CCT7: variants seen among roughly 807,000 people sequenced by gnomAD.
The protein encoded by CCT7 is T-complex protein 1 subunit eta.
In CCT7, 16 loss-of-function variants were observed where a neutral mutation model predicts 56.6. The observed-to-expected ratio is 0.28, with a 90% CI of 0.19 to 0.43. The LOEUF (loss-of-function observed/expected upper bound fraction) is 0.43. Among genes scored for constraint, CCT7 ranks in the 20% least tolerant of loss-of-function variants. The pLI is 1.00. For missense variants in CCT7, 519 were observed against 685.6 expected (o/e 0.76, Z 2.71); for synonymous variants, 262 against 254.8 (o/e 1.03, Z -0.27).
chr2:73,237,673 C>T (rs1227351191), intron 1 of CCT7: 3 of 152,078 alleles, frequency 2.0e-5, no homozygotes, highest in Middle Eastern at 3.2e-3. Flanking sequence ...CTTCAGTTGA[C>T]GCCTGATCCC....
chr2:73,248,101 C>T (rs1687421897), intron 7 of CCT7, among the ~76,000 whole-genome samples, 175 bp downstream of exon 7: 1 of 152,136 alleles, frequency 6.6e-6, no homozygotes, highest in South Asian at 2.1e-4. Context: ...TGACCTTGAC[C>T]TGAGGAAATT....
chr2:73,251,451 C>G lies in CCT7; in HGVS notation c.1410+19C>G, dbSNP rs761781496. The G allele has an allele frequency of 2.1e-6, 3 of 1,426,630 alleles. No homozygotes were observed. Among genetic ancestry groups the G allele is most frequent in the East Asian group, 2.6e-5 (1 of 39,090 alleles). The allele number at this position is 1,426,630 out of a possible 1,614,324, so 88.4% of individuals were successfully genotyped here. A position where few individuals can be genotyped will look rare whatever the true frequency, so the allele number is the denominator to read the frequency against. The stretch of plus-strand genomic sequence containing the variant: ...TGCCCAGGTGGGTCCTTTCTCTCCC[C>G]AGGGTTCAGGGTTTGGGCGGGTGGG... On this transcript the variant is annotated intron_variant, in intron 11 of 11. Transcript: ENST00000258091.
intron 1 of CCT7, chr2:73,237,477 G>C (rs1268578205): frequency 1.3e-5 from 2 of 152,216 alleles, no homozygotes; most frequent in African/African-American, 2.4e-5. Flanking sequence ...AGAAGACTTG[G>C]GGCTGCCATA....
intron 1 of CCT7, chr2:73,235,572 C>T (rs1186769552): frequency 3.1e-4 from 310 of 1,002,050 alleles, no homozygotes; most frequent in Non-Finnish European, 3.6e-4. Flanking sequence ...TTGAAGTCGT[C>T]TTCATCTTCT....
chr2:73,245,291 C>A (rs552353347), intron 6 of CCT7, among the ~76,000 whole-genome samples: 1 of 152,278 alleles, frequency 6.6e-6, no homozygotes, highest in Non-Finnish European at 1.5e-5. Context: ...ATATAGTGTT[C>A]TGTAGCTTGC....
At chr2:73,243,154 T>C (rs1297556575) in intron 4 of CCT7, 25 bp downstream of exon 4, 1 of 1,609,846 alleles carries the variant, frequency 6.2e-7, no homozygotes, top group African/African-American at 1.3e-5. Flanking sequence ...ATTAACCTTC[T>C]CTTGGGCCTG....
intron 1 of CCT7, 102 bp downstream of exon 1, chr2:73,234,486 G>C (rs1574349166): frequency 7.4e-7 from 1 of 1,351,954 alleles, no homozygotes; most frequent in South Asian, 1.2e-5. Context: ...TTTGCTTGCC[G>C]CCTCTGTCCT....
chr2:73,247,645 T>A (rs1687401111), intron 6 of CCT7, 117 bp from the exon 7 acceptor site: 4 of 756,502 alleles, frequency 5.3e-6, no homozygotes, highest in Non-Finnish European at 8.4e-6. Flanking sequence ...AGCAGTGAAA[T>A]AAAGACATGA....
At chr2:73,251,183 A>T (rs753877559) in intron 10 of CCT7, 43 bp from the exon 11 acceptor site, 1 of 1,584,284 alleles carries the variant, frequency 6.3e-7, no homozygotes, top group Admixed American at 1.7e-5. Context: ...GGAAGCTTGG[A>T]CCAGGGGCCC....
At chr2:73,249,682 C>T in intron 8 of CCT7, 137 bp from the exon 9 acceptor site, 1 of 672,572 alleles carries the variant, frequency 1.5e-6, no homozygotes, top group African/African-American at 1.8e-5. Context: ...GGAAGGGTCG[C>T]CTGGAAGTCA....
At chr2:73,248,028 C>G (rs1687418979) in intron 7 of CCT7, 102 bp downstream of exon 7, 2 of 1,000,786 alleles carry the variant, frequency 2.0e-6, no homozygotes, top group African/African-American at 1.6e-5. Flanking sequence ...TCTTCCTGCC[C>G]CCCTGAATAT....
intron 11 of CCT7, 103 bp from the exon 12 acceptor site, chr2:73,252,537 A>C: frequency 1.1e-6 from 1 of 871,672 alleles, no homozygotes; most frequent in South Asian, 1.6e-5. Context: ...CACCAAGTTC[A>C]GAGAGTCTGC....
chr2:73,241,211 A>G (rs1687097322), intron 3 of CCT7, among the ~76,000 whole-genome samples: 1 of 152,192 alleles, frequency 6.6e-6, no homozygotes, highest in Non-Finnish European at 1.5e-5. Context: ...ACTGCAAAAT[A>G]TGTATACTAC....
intron 5 of CCT7, 197 bp from the exon 6 acceptor site, chr2:73,244,347 T>G: frequency 1.6e-6 from 1 of 608,914 alleles, no homozygotes; most frequent in Non-Finnish European, 2.8e-6. Flanking sequence ...TCGACTGTAG[T>G]TTAAAAGCTG....
chr2:73,243,682 T>C (rs17433474), intron 4 of CCT7, among the ~76,000 whole-genome samples: 207 of 152,360 alleles, frequency 1.4e-3, no homozygotes, highest in Middle Eastern at 3.4e-3. Context: ...CCAGGAGGTT[T>C]GGCTTAATCT....
intron 10 of CCT7, 76 bp from the exon 11 acceptor site, chr2:73,251,150 G>A: frequency 1.5e-6 from 2 of 1,329,708 alleles, no homozygotes; most frequent in Non-Finnish European, 2.2e-6. Context: ...TGGGCTGAAG[G>A]GACCTACTGA....
chr2:73,239,525 T>G, intron 1 of CCT7, 118 bp from the exon 2 acceptor site: 1 of 906,508 alleles, frequency 1.1e-6, no homozygotes, highest in South Asian at 1.7e-5. Context: ...GGGAATGTGG[T>G]TTAAGAAGAC....
chr2:73,251,460 G>GGT, intron 11 of CCT7, 28 bp downstream of exon 11: 1 of 1,444,928 alleles, frequency 6.9e-7, no homozygotes, highest in Admixed American at 1.7e-5. Flanking sequence ...CCAGGGTTCA[G>GGT]GGTTTGGGCG....
intron 8 of CCT7, 69 bp downstream of exon 8, chr2:73,249,248 T>A (rs917187860): frequency 1.6e-6 from 2 of 1,246,520 alleles, no homozygotes; most frequent in Non-Finnish European, 1.1e-6. Context: ...ACCCCTGGTA[T>A]AACAGAGTGT....
Sources: allele counts gnomAD v4.1 joint callset (sites outside exome capture counted in the v4.1 genomes callset), GRCh38; gene constraint gnomAD v4.1.1; transcripts MANE v1.5; gene names NCBI Gene and HGNC (gene_info 2026-07-23, HGNC 2026-07-21).